Variants in CLVS1 observed in about 807,000 individuals in gnomAD.
The protein encoded by CLVS1 is clavesin-1.
In CLVS1, 10 loss-of-function variants were observed where a neutral mutation model predicts 33.1. The ratio of observed to expected loss-of-function variants is 0.30; its 90% confidence interval spans 0.19 to 0.51. The LOEUF is 0.51. Among genes scored for constraint, CLVS1 ranks in the 20% least tolerant of loss-of-function variants. The pLI, the probability that CLVS1 is intolerant of heterozygous loss-of-function variation, is 0.97. For missense variants in CLVS1, 343 were observed against 433.4 expected, an observed-to-expected ratio of 0.79 and a Z score of 1.85; for synonymous variants, 163 against 166.1, an observed-to-expected ratio of 0.98 and a Z score of 0.14.
chr8:61,215,236 T>C (rs1360082339), intron 2 of CLVS1, among the ~76,000 whole-genome samples: 1 of 152,196 alleles, frequency 6.6e-6, no homozygotes, highest in Non-Finnish European at 1.5e-5. Context: ...TTTAGTAGTT[T>C]ATTTTTAAGC....
chr8:60,988,397 C>T, the CLVS1 span, among the ~76,000 whole-genome samples: 3 of 152,062 alleles, frequency 2.0e-5, no homozygotes, highest in Admixed American at 1.3e-4. Flanking sequence ...CCCAGACAAC[C>T]TGTAAGAATC....
the CLVS1 span, among the ~76,000 whole-genome samples, chr8:61,021,615 G>A: frequency 6.6e-6 from 1 of 151,544 alleles, no homozygotes; most frequent in African/African-American, 2.4e-5. Flanking sequence ...ACCTGCCTTC[G>A]CCTCCCAAAG....
At chr8:61,214,519 G>T (rs148888028) in intron 2 of CLVS1, among the ~76,000 whole-genome samples, 3 of 152,174 alleles carry the variant, frequency 2.0e-5, no homozygotes, top group East Asian at 3.8e-4. Flanking sequence ...TATGCACACA[G>T]GGAAGGTCAT....
intron 5 of CLVS1, among the ~76,000 whole-genome samples, chr8:61,488,792 T>A (rs891596120): frequency 2.0e-5 from 3 of 152,180 alleles, no homozygotes; most frequent in Non-Finnish European, 4.4e-5. Flanking sequence ...CTTTTGTAGG[T>A]AAATTAAGCA....
intron 2 of CLVS1, among the ~76,000 whole-genome samples, chr8:61,148,065 G>A (rs1278959450): frequency 6.6e-6 from 1 of 152,216 alleles, no homozygotes; most frequent in Non-Finnish European, 1.5e-5. Flanking sequence ...CTCCAAGTCA[G>A]GAGCAGTGAT....
Position 61,456,672 on chromosome 8 carries a change from T to C in CLVS1, c.742-1635T>C, listed in dbSNP as rs1376424571. On this transcript the variant is annotated intron_variant, in intron 4 of 5. Coordinates refer to ENST00000325897, the MANE Select transcript of CLVS1 (RefSeq NM_173519.3). ...TGGCTCACGCCTGTAATCCCAGCAC[T>C]TTGGGAGGCCGAGGCATGCGGATCA... 2.0e-5 allele frequency among the ~76,000 whole-genome samples: 3 copies of C among 151,910 alleles called. No homozygotes were observed. In the East Asian group the frequency reaches 5.9e-4, roughly 30 times the overall value.
intron 2 of CLVS1, among the ~76,000 whole-genome samples, chr8:61,302,095 A>G (rs978612576): frequency 3.3e-5 from 5 of 152,138 alleles, no homozygotes; most frequent in Admixed American, 6.6e-5. Context: ...CCTCTTCAAG[A>G]TGATAACAGT....
At chr8:61,133,532 A>G (rs1447951241) in intron 2 of CLVS1, among the ~76,000 whole-genome samples, 1 of 152,156 alleles carries the variant, frequency 6.6e-6, no homozygotes, top group African/African-American at 2.4e-5. Context: ...GGGCCAGATC[A>G]AAGGACCTTT....
chr8:61,278,398 A>G (rs571837123), intron 2 of CLVS1, among the ~76,000 whole-genome samples: 1 of 152,364 alleles, frequency 6.6e-6, no homozygotes, highest in South Asian at 2.1e-4. Context: ...TTGGATTGCT[A>G]GAAAATGTTT....
chr8:61,382,218 T>C (rs1418293143), intron 3 of CLVS1, among the ~76,000 whole-genome samples: 2 of 152,232 alleles, frequency 1.3e-5, no homozygotes, highest in Non-Finnish European at 2.9e-5. Flanking sequence ...TGATTAGTAA[T>C]TTTGACAGTC....
intron 2 of CLVS1, among the ~76,000 whole-genome samples, chr8:61,373,079 A>G (rs1284884971): frequency 6.6e-6 from 1 of 152,188 alleles, no homozygotes; most frequent in Non-Finnish European, 1.5e-5. Context: ...GTATCTACAT[A>G]AATTATTAAG....
chr8:61,096,828 C>T (rs1259324892), intron 1 of CLVS1, among the ~76,000 whole-genome samples: 2 of 152,144 alleles, frequency 1.3e-5, no homozygotes, highest in Non-Finnish European at 2.9e-5. Context: ...TTTGCCTCAC[C>T]TCATAGACGT....
intron 2 of CLVS1, among the ~76,000 whole-genome samples, chr8:61,322,743 A>G (rs1407952815): frequency 6.6e-6 from 1 of 152,192 alleles, no homozygotes; most frequent in African/African-American, 2.4e-5. Context: ...CTCTTTTTGG[A>G]AGCAGTACTC....
chr8:61,408,407 G>C (rs1226231585), intron 3 of CLVS1, among the ~76,000 whole-genome samples: 1 of 152,170 alleles, frequency 6.6e-6, no homozygotes, highest in Non-Finnish European at 1.5e-5. Context: ...AGACAGGCAA[G>C]TGGAAGCTTT....
the CLVS1 span, chr8:60,965,308 G>T: frequency 6.6e-6 from 1 of 152,282 alleles, no homozygotes; most frequent in Non-Finnish European, 1.5e-5. Flanking sequence ...GGGAAGTGAG[G>T]GGCACACGGG....
At chr8:60,974,045 T>C in the CLVS1 span, among the ~76,000 whole-genome samples, 6 of 152,278 alleles carry the variant, frequency 3.9e-5, no homozygotes, top group African/African-American at 1.4e-4. Flanking sequence ...AGTGATTGTG[T>C]TGGTTCCTGT....
the CLVS1 span, among the ~76,000 whole-genome samples, chr8:61,039,375 C>T: frequency 1.3e-5 from 2 of 152,212 alleles, no homozygotes; most frequent in Non-Finnish European, 2.9e-5. Flanking sequence ...TTGAAACACA[C>T]TGTACAGTCA....
At chr8:61,202,302 G>A (rs2931326) in intron 2 of CLVS1, 147,994 of 644,164 alleles carry the variant, frequency 0.23, 17,771 homozygotes, top group Admixed American at 0.3. Context: ...AGCAGCATTC[G>A]TTTATCTTCG....
In CLVS1 at chr8:61,232,041, T is replaced by TTGTTTTTTTTTG. The variant is rs1554548395; in HGVS notation, c.-151-67635_-151-67634insGTTTTTTTTTGT. Among the ~76,000 whole-genome samples, 240 of 116,016 alleles carry TTGTTTTTTTTTG rather than the reference T, an allele frequency of 2.1e-3. 14 individuals are homozygous for TTGTTTTTTTTTG. The highest frequency in any genetic ancestry group is 0.01 in the African/African-American group (217 of 20,992). The allele number at this position is 116,016 out of a possible 152,430, so 76.1% of individuals were successfully genotyped here. A position where few individuals can be genotyped will look rare whatever the true frequency, so the allele number is the denominator to read the frequency against. On this transcript the variant is annotated intron_variant, in intron 2 of 2. Transcript: ENST00000522621. ...AGTTGTGGTTTTTTTTTTTTTTTTT[T>TTGTTTTTTTTTG]TTTTTTTTTGTGAGATGGAGTCTCG...
Sources: allele counts gnomAD v4.1 joint callset (sites outside exome capture counted in the v4.1 genomes callset), GRCh38; gene constraint gnomAD v4.1.1; transcripts MANE v1.5; gene names NCBI Gene and HGNC (gene_info 2026-07-23, HGNC 2026-07-21).